Variants in GPATCH1 observed in about 807,000 individuals in gnomAD.
GPATCH1 encodes G patch domain-containing protein 1.
Under a neutral mutation model 114.9 loss-of-function variants are expected in GPATCH1, and 73 were observed. The observed-to-expected ratio is 0.64, with a 90% confidence interval of 0.53 to 0.77. GPATCH1 has a LOEUF of 0.77. GPATCH1 is among the 30% of genes least tolerant of loss of function. The probability of loss-of-function intolerance (pLI) is 0.00; values close to 1 mark genes in which losing one functional copy is unlikely to be tolerated. For missense variants in GPATCH1, 1,058 were observed against 1,144.3 expected, an observed-to-expected ratio of 0.92 and a Z score of 1.09; for synonymous variants, 391 against 428.4, an observed-to-expected ratio of 0.91 and a Z score of 1.08.
chr19:33,093,445 G>T lies in GPATCH1; in HGVS notation c.381G>T (p.Lys127Asn). 1 of 1,613,978 alleles carries T rather than the reference G, an allele frequency of 6.2e-7. No individual in the cohort carries two copies. The highest frequency in any genetic ancestry group is 8.5e-7 in the Non-Finnish European group (1 of 1,179,924). Residue 127 changes from lysine to asparagine, a missense_variant, in exon 4 of 20, where the codon AAG becomes AAT. By Grantham distance (94) the Lys-to-Asn change is moderately conservative. Transcript: ENST00000170564. ...AAACCAAAGACAGAATACGAGAAAA[G>T]GCTAGGCAGTTGGCCGCTGCTACTG... is the stretch of plus-strand genomic sequence containing the variant. ...ASKTKDRIRE[K>N]ARQLAAATAP...
At chr19:33,097,531 T>C (rs1225934859) in intron 7 of GPATCH1, among the ~76,000 whole-genome samples, 1 of 152,174 alleles carries the variant, frequency 6.6e-6, no homozygotes, top group Non-Finnish European at 1.5e-5. Flanking sequence ...TTGTGGGGAC[T>C]GGAGGGCAGT....
At chr19:33,082,465 C>G (rs1244842503) in intron 1 of GPATCH1, among the ~76,000 whole-genome samples, 1 of 152,168 alleles carries the variant, frequency 6.6e-6, no homozygotes, top group Admixed American at 6.5e-5. Context: ...GATATCTCCA[C>G]TTATGCCCCC....
At chr19:33,108,283 C>T (rs1037509880) in intron 10 of GPATCH1, among the ~76,000 whole-genome samples, 1 of 152,172 alleles carries the variant, frequency 6.6e-6, no homozygotes, top group East Asian at 1.9e-4. Context: ...CAACACCTCT[C>T]CCACCTACAG....
At chr19:33,127,711 ATTGT>A (rs1475511511) in intron 19 of GPATCH1, among the ~76,000 whole-genome samples, 7 of 151,638 alleles carry the variant, frequency 4.6e-5, no homozygotes, top group East Asian at 1.9e-4. Flanking sequence ...GCACATACAC[ATTGT>A]TTGTTTCTTT....
In GPATCH1 at chr19:33,093,501, ACCT is replaced by A; in HGVS notation, c.439_441del (p.Leu147del). The A allele has an allele frequency of 6.2e-7, 1 of 1,613,190 alleles. No individual in the cohort carries two copies. Among genetic ancestry groups the A allele is most frequent in the Non-Finnish European group, 8.5e-7 (1 of 1,179,658 alleles). Reference sequence around the variant, plus strand: ...ATTCCTGGAGCCACCCTCCTTGATGACCTCATAACGCCAGCAAAGTGAGCATTT... The same window carrying A: ...ATTCCTGGAGCCACCCTCCTTGATGACATAACGCCAGCAAAGTGAGCATTT... On this transcript the variant is annotated inframe_deletion, in exon 4 of 20. Transcript: ENST00000170564.
chr19:33,116,840 A>T (rs571072194), intron 15 of GPATCH1, among the ~76,000 whole-genome samples: 145 of 151,064 alleles, frequency 9.6e-4, no homozygotes, highest in African/African-American at 3.3e-3. Flanking sequence ...ATTTTTTTTT[A>T]AATTAAACTG....
intron 17 of GPATCH1, among the ~76,000 whole-genome samples, chr19:33,124,518 T>C (rs1419063573): frequency 6.6e-6 from 1 of 152,180 alleles, no homozygotes; most frequent in Non-Finnish European, 1.5e-5. Flanking sequence ...TTTCCACTTG[T>C]AAGACAAATT....
chr19:33,095,694 G>A (rs1016680599), intron 5 of GPATCH1, 68 bp from the exon 6 acceptor site: 30 of 1,056,388 alleles, frequency 2.8e-5, no homozygotes, highest in Admixed American at 2.5e-4. Flanking sequence ...GATCCACCGC[G>A]CCCGGCCTGG....
At chr19:33,130,018 C>A in intron 19 of GPATCH1, 112 bp from the exon 20 acceptor site, 2 of 750,470 alleles carry the variant, frequency 2.7e-6, no homozygotes, top group Non-Finnish European at 2.4e-6. Flanking sequence ...TTTGTAGGTG[C>A]AGACATGCTG....
At chr19:33,123,394 C>G (rs1973006898) in intron 17 of GPATCH1, among the ~76,000 whole-genome samples, 1 of 149,020 alleles carries the variant, frequency 6.7e-6, no homozygotes, top group Non-Finnish European at 1.5e-5. Flanking sequence ...GAGTGAAACT[C>G]TGTCTCAAAA....
intron 7 of GPATCH1, 88 bp from the exon 8 acceptor site, chr19:33,097,667 C>G: frequency 8.2e-7 from 1 of 1,225,688 alleles, no homozygotes; most frequent in Non-Finnish European, 1.2e-6. Context: ...ACATGGTTTC[C>G]AATCACATCC....
rs1972893283 is a variant in GPATCH1, at chr19:33,114,381, A to C, written c.2158A>C (p.Lys720Gln). 6.2e-7 allele frequency: 1 copy of C among 1,607,766 alleles called. No homozygotes were observed. Among genetic ancestry groups the C allele is most frequent in the Non-Finnish European group, 8.5e-7 (1 of 1,178,412 alleles). Residue 720 changes from lysine (K) to glutamine (Q), a missense_variant, in exon 15 of 20, where the codon AAA (lysine) becomes CAA (glutamine). Lys to Gln is a moderately conservative substitution (Grantham distance 53). Coordinates refer to ENST00000170564, the MANE Select transcript of GPATCH1 (RefSeq NM_018025.3). ...PKQQSSPLVN[K>Q]EEEHAPELSA... ...ACAACAGTCCAGCCCCTTAGTAAAC[A>C]AAGAGGAAGAGCATGCACCAGAATT... is the stretch of plus-strand genomic sequence containing the variant.
intron 9 of GPATCH1, among the ~76,000 whole-genome samples, chr19:33,106,337 T>C (rs1385565112): frequency 3.3e-5 from 5 of 152,128 alleles, no homozygotes; most frequent in African/African-American, 1.2e-4. Context: ...TGGTACTTTT[T>C]CTAAATTTTC....
intron 19 of GPATCH1, 41 bp downstream of exon 19, chr19:33,126,774 A>C: frequency 6.7e-7 from 1 of 1,483,232 alleles, no homozygotes; most frequent in Non-Finnish European, 9.2e-7. Context: ...AAACCTTTAG[A>C]GGCTTATTGA....
At chr19:33,101,412 G>A in intron 8 of GPATCH1, 83 bp from the exon 9 acceptor site, 2 of 784,036 alleles carry the variant, frequency 2.6e-6, no homozygotes, top group African/African-American at 1.7e-5. Context: ...TGTTCTTAGA[G>A]ATAAGAACGT....
In GPATCH1 at chr19:33,090,757, G is replaced by C. The variant is rs764899574; in HGVS notation, c.209-23G>C. 14 of 1,522,480 alleles carry C rather than the reference G, an allele frequency of 9.2e-6. No individual in the cohort carries two copies. In the Admixed American group the frequency reaches 1.8e-4, roughly 20 times the overall value. 94.3% of individuals were successfully genotyped at this position (1,522,480 alleles called of 1,614,324 possible). A position where few individuals can be genotyped will look rare whatever the true frequency, so the allele number is the denominator to read the frequency against. On this transcript the variant is annotated intron_variant, in intron 2 of 19. Transcript: ENST00000170564. ...CCCAAATACTCTCTAGGATTGTAAAGTTCTAAACTCTTTTTTTTTCAGGAT... is the reference window on the plus strand; with the variant it reads ...CCCAAATACTCTCTAGGATTGTAAACTTCTAAACTCTTTTTTTTTCAGGAT...
rs13345542 is a variant in GPATCH1 at position 33,095,833 on chromosome 19, G to C, written c.612+13G>C. 484,987 of 1,574,498 alleles carry C rather than the reference G, an allele frequency of 0.31. 90,089 individuals are homozygous for C. The highest frequency in any genetic ancestry group is 0.74 in the African/African-American group (54,429 of 73,788). Reference sequence around the variant, plus strand: ...GGAAGGATCTGAGGTATTGCATGGTGTGACTGACCTTCACTTTGGTACAAC... The same window carrying C: ...GGAAGGATCTGAGGTATTGCATGGTCTGACTGACCTTCACTTTGGTACAAC... On this transcript the variant is annotated intron_variant, in intron 6 of 19. Coordinates refer to ENST00000170564, the MANE Select transcript of GPATCH1 (RefSeq NM_018025.3).
chr19:33,116,690 T>C (rs945192342), intron 15 of GPATCH1, among the ~76,000 whole-genome samples: 1 of 152,066 alleles, frequency 6.6e-6, no homozygotes, highest in Admixed American at 6.6e-5. Context: ...CCACCACGCC[T>C]GGCTAATTTT....
rs762037683 is a variant in GPATCH1, at chr19:33,106,782, T to A, written c.1168T>A (p.Leu390Ile). ...MVAATSENSH[L>I]LQVLSESAGK... ...GGCCGCCACCTCCGAGAACTCACAC[T>A]TACTGCAGGTATTATCAGAGTCAGC... Residue 390 changes from leucine to isoleucine, a missense_variant, in exon 10 of 20, where the codon TTA (leucine) becomes ATA (isoleucine). Leu to Ile is a conservative substitution (Grantham distance 5, BLOSUM62 2). Coordinates refer to ENST00000170564, the MANE Select transcript of GPATCH1 (RefSeq NM_018025.3). The A allele has an allele frequency of 6.2e-7, 1 of 1,613,788 alleles. No homozygotes were observed. Among genetic ancestry groups the A allele is most frequent in the Non-Finnish European group, 8.5e-7 (1 of 1,179,930 alleles).
Sources: gnomAD v4.1 joint callset for allele counts (sites outside exome capture counted in the v4.1 genomes callset) on GRCh38, gnomAD v4.1.1 for gene constraint, MANE v1.5 for transcripts, NCBI Gene and HGNC (gene_info 2026-07-23, HGNC 2026-07-21) for gene names.